MAP2K4: variants seen among roughly 807,000 people sequenced by gnomAD.
MAP2K4 encodes the protein mitogen-activated protein kinase kinase 4, also known as dual specificity mitogen-activated protein kinase kinase 4.
A neutral mutation model predicts 48.5 loss-of-function variants in MAP2K4; 4 were observed. The ratio of observed to expected loss-of-function variants is 0.08; its 90% CI spans 0.04 to 0.19. The LOEUF (loss-of-function observed/expected upper bound fraction) is 0.19. Ranked by LOEUF, MAP2K4 falls within the 10% of genes least tolerant of loss-of-function variation. The pLI, the probability that MAP2K4 is intolerant of heterozygous loss-of-function variation, is 1.00. For synonymous variants in MAP2K4, 166 were observed against 173.1 expected, an observed-to-expected ratio of 0.96 and a Z score of 0.32; for missense variants, 258 against 493.3, an observed-to-expected ratio of 0.52 and a Z score of 4.52.
chr17:12,132,722 TACAG>T (rs903734853), intron 9 of MAP2K4, among the ~76,000 whole-genome samples: 1 of 152,026 alleles, frequency 6.6e-6, no homozygotes, highest in African/African-American at 2.4e-5. Context: ...AAAAAGAATT[TACAG>T]ACAACAGTAT....
intron 1 of MAP2K4, chr17:12,026,788 A>G (rs905366184): frequency 6.6e-6 from 1 of 152,232 alleles, no homozygotes; most frequent in Non-Finnish European, 1.5e-5. Flanking sequence ...AGCTCCAAGC[A>G]ACCAGCCACC....
chr17:12,076,326 T>TG (rs56849302), intron 2 of MAP2K4, among the ~76,000 whole-genome samples: 2 of 149,260 alleles, frequency 1.3e-5, no homozygotes, highest in Admixed American at 1.3e-4. Context: ...TGTGTGTGTG[T>TG]TTAGTCTGTA....
At position 12,081,731 on chromosome 17, in the gene MAP2K4, T is replaced by C. The variant is rs147700446; in HGVS notation, c.393+201T>C. Among the ~76,000 whole-genome samples the C allele has an allele frequency of 1.2e-3, 189 of 152,348 alleles. No homozygotes were observed. The highest frequency in any genetic ancestry group is 2.1e-3 in the Admixed American group (32 of 15,310). On this transcript the variant is annotated intron_variant, in intron 3 of 10. Transcript: ENST00000353533. The surrounding 1 kb of genome is among the most constrained non-coding windows in gnomAD (Gnocchi z 4.2). ...TTCTATCTCTTTGGAAACATGAGTG[T>C]ATGAAGTGTGCATGTTGATTGCATT...
intron 4 of MAP2K4, among the ~76,000 whole-genome samples, 194 bp downstream of exon 4, chr17:12,095,888 CGTGTGTTT>C (rs1423634452): frequency 1.6e-5 from 2 of 122,592 alleles, no homozygotes; most frequent in Admixed American, 9.3e-5. Flanking sequence ...GTGAATCACA[CGTGTGTTT>C]GTGTGTGTGT....
intron 7 of MAP2K4, among the ~76,000 whole-genome samples, chr17:12,122,705 T>A (rs1424119374): frequency 1.3e-5 from 2 of 152,314 alleles, no homozygotes; most frequent in South Asian, 2.1e-4. Context: ...ATATTTGCCT[T>A]ATGCCCAATA....
At chr17:12,129,545 TC>T (rs1171906942) in intron 9 of MAP2K4, among the ~76,000 whole-genome samples, 1 of 152,176 alleles carries the variant, frequency 6.6e-6, no homozygotes, top group Non-Finnish European at 1.5e-5. Flanking sequence ...TCTCCAGACT[TC>T]CAGTACCTGG....
At chr17:12,133,040 A>G (rs1202640966) in intron 9 of MAP2K4, among the ~76,000 whole-genome samples, 1 of 152,126 alleles carries the variant, frequency 6.6e-6, no homozygotes, top group African/African-American at 2.4e-5. Context: ...CCTGCTTTAG[A>G]TAATAGGGAA....
chr17:12,076,085 G>T (rs951575522), intron 2 of MAP2K4, among the ~76,000 whole-genome samples: 1 of 152,152 alleles, frequency 6.6e-6, no homozygotes, highest in Non-Finnish European at 1.5e-5. Flanking sequence ...ATCTAATAGA[G>T]GGTGGGAGTG....
At chr17:12,095,736 T>C in intron 4 of MAP2K4, 42 bp downstream of exon 4, 1 of 1,597,992 alleles carries the variant, frequency 6.3e-7, no homozygotes, top group Admixed American at 1.7e-5. Context: ...GAATATCTAA[T>C]TGGGACAAAT....
At chr17:12,064,235 A>G (rs1378328942) in intron 2 of MAP2K4, among the ~76,000 whole-genome samples, 2 of 152,090 alleles carry the variant, frequency 1.3e-5, no homozygotes, top group East Asian at 3.9e-4. Context: ...GGCACATTAC[A>G]TCACACCCGA....
In MAP2K4 at chr17:12,143,596, G is replaced by A; in HGVS notation, c.*2336G>A. On this transcript the variant is annotated 3_prime_UTR_variant, in exon 11 of 11. Transcript: ENST00000353533. Reference sequence around the variant, plus strand: ...CTCAGTAACATAACTGCTTCTTGGAGCTTTGGAATATTTTATCCTGTATTC... The same window carrying A: ...CTCAGTAACATAACTGCTTCTTGGAACTTTGGAATATTTTATCCTGTATTC... 4.3e-6 allele frequency: 1 copy of A among 230,872 alleles called. No homozygotes were observed. Among genetic ancestry groups the A allele is most frequent in the Non-Finnish European group, 8.6e-6 (1 of 116,404 alleles). 14.3% of individuals were successfully genotyped at this position (230,872 alleles called of 1,614,324 possible). A position where few individuals can be genotyped will look rare whatever the true frequency, so the allele number is the denominator to read the frequency against.
intron 1 of MAP2K4, among the ~76,000 whole-genome samples, chr17:12,053,048 A>T (rs1597415862): frequency 6.6e-6 from 1 of 152,318 alleles, no homozygotes; most frequent in East Asian, 1.9e-4. Flanking sequence ...CATTTAAATC[A>T]GGCATGGGTA....
At chr17:12,094,978 G>A (rs1971686995) in intron 3 of MAP2K4, among the ~76,000 whole-genome samples, 1 of 152,188 alleles carries the variant, frequency 6.6e-6, no homozygotes, top group Non-Finnish European at 1.5e-5. Flanking sequence ...TATAGAAAGT[G>A]CAGTTAAAGG....
At chr17:12,039,334 C>T (rs1371328971) in intron 1 of MAP2K4, among the ~76,000 whole-genome samples, 3 of 152,022 alleles carry the variant, frequency 2.0e-5, no homozygotes, top group Non-Finnish European at 2.9e-5. Context: ...TTATGCATCC[C>T]CACCCCACTT....
intron 2 of MAP2K4, among the ~76,000 whole-genome samples, chr17:12,072,995 A>G (rs185365219): frequency 6.6e-6 from 1 of 152,308 alleles, no homozygotes; most frequent in East Asian, 1.9e-4. Flanking sequence ...ACTTTGTAAA[A>G]GCAATCTGAG....
At chr17:12,123,993 G>A (rs1009313933) in intron 7 of MAP2K4, among the ~76,000 whole-genome samples, 1 of 152,136 alleles carries the variant, frequency 6.6e-6, no homozygotes, top group South Asian at 2.1e-4. Context: ...TGATCTTGAT[G>A]ATGTTGGATG....
intron 1 of MAP2K4, among the ~76,000 whole-genome samples, chr17:12,043,019 C>G (rs901749076): frequency 6.6e-6 from 1 of 151,812 alleles, no homozygotes; most frequent in African/African-American, 2.4e-5. Flanking sequence ...TGCACCCCAG[C>G]CTGGGCGACA....
chr17:12,135,356 T>C (rs1192528954), intron 9 of MAP2K4, among the ~76,000 whole-genome samples: 1 of 152,038 alleles, frequency 6.6e-6, no homozygotes. Flanking sequence ...AGTGTTGGGA[T>C]TACAGGCGCG....
At chr17:12,096,866 C>G (rs760645960) in intron 4 of MAP2K4, among the ~76,000 whole-genome samples, 2 of 152,158 alleles carry the variant, frequency 1.3e-5, no homozygotes, top group African/African-American at 4.8e-5. Flanking sequence ...TGCTTCATGA[C>G]AGAGCCCATT....
Sources: gnomAD v4.1 joint callset for allele counts (sites outside exome capture counted in the v4.1 genomes callset) on GRCh38, gnomAD v4.1.1 for gene constraint, Gnocchi (gnomAD v3.1) non-coding constraint, MANE v1.5 for transcripts, NCBI Gene and HGNC (gene_info 2026-07-23, HGNC 2026-07-21) for gene names.